YWHAZ: variants seen among roughly 807,000 people sequenced by gnomAD.
YWHAZ encodes 14-3-3 protein zeta/delta.
For missense variants in YWHAZ, 79 were observed against 284.8 expected (o/e 0.28, Z 5.20); for synonymous variants, 87 against 103.6 (o/e 0.84, Z 0.97).
Position 100,924,412 on chromosome 8 carries a change from A to C in YWHAZ, c.419-114T>G, listed in dbSNP as rs1479188335. On this transcript the variant is annotated intron_variant, in intron 3 of 5. Coordinates refer to ENST00000395958, the MANE Select transcript of YWHAZ (RefSeq NM_145690.3). This position sits in a 1 kb window ranked among gnomAD's most constrained non-coding sequence, Gnocchi z 5.7. Reference sequence around the variant, plus strand: ...TTGAAATACTAACCTGTAACAGCTTAATATTTGTTAATTGAACAAGGTCCT... The same window carrying C: ...TTGAAATACTAACCTGTAACAGCTTCATATTTGTTAATTGAACAAGGTCCT... 8.4e-6 allele frequency: 9 copies of C among 1,067,332 alleles called. No homozygotes were observed. Among genetic ancestry groups the C allele is most frequent in the East Asian group, 7.6e-5 (3 of 39,590 alleles). 66.1% of individuals were successfully genotyped at this position (1,067,332 alleles called of 1,614,324 possible). A position where few individuals can be genotyped will look rare whatever the true frequency, so the allele number is the denominator to read the frequency against.
chr8:100,946,473 C>T (rs1810278893), intron 2 of YWHAZ, among the ~76,000 whole-genome samples: 1 of 152,142 alleles, frequency 6.6e-6, no homozygotes, highest in Admixed American at 6.5e-5. Context: ...ATTGCTTGAA[C>T]ACGGGAGGCG....
chr8:100,951,691 C>G, intron 1 of YWHAZ: 2 of 985,366 alleles, frequency 2.0e-6, no homozygotes, highest in South Asian at 9.4e-5. Context: ...GGAGCGAGCA[C>G]CGATCGGCGC....
intron 2 of YWHAZ, among the ~76,000 whole-genome samples, chr8:100,939,008 C>T (rs943723489): frequency 3.9e-5 from 6 of 152,218 alleles, no homozygotes; most frequent in African/African-American, 9.7e-5. Flanking sequence ...AATCACTTAA[C>T]GCATTTTCCA....
At chr8:100,949,264 ATT>A (rs1810527545) in intron 1 of YWHAZ, among the ~76,000 whole-genome samples, 1 of 152,208 alleles carries the variant, frequency 6.6e-6, no homozygotes, top group Non-Finnish European at 1.5e-5. Context: ...GTGATCCAAA[ATT>A]AAGCAGCTTT....
At chr8:100,949,627 ACTT>A (rs1810559640) in intron 1 of YWHAZ, among the ~76,000 whole-genome samples, 2 of 152,212 alleles carry the variant, frequency 1.3e-5, no homozygotes, top group Admixed American at 1.3e-4. Context: ...AAGTCATGAC[ACTT>A]CAACTCTTAC....
intron 2 of YWHAZ, among the ~76,000 whole-genome samples, chr8:100,937,761 T>C (rs751507106): frequency 1.3e-5 from 2 of 151,990 alleles, no homozygotes; most frequent in African/African-American, 4.8e-5. Flanking sequence ...AGTTAAAAGG[T>C]TGAGGTAGCA....
upstream of YWHAZ, chr8:100,952,990 G>A: frequency 4.0e-6 from 4 of 1,000,766 alleles, no homozygotes; most frequent in Non-Finnish European, 3.6e-6. Flanking sequence ...TGCGCGAGGG[G>A]ACAATGGGTG....
chr8:100,918,062 A>G lies in YWHAZ; in HGVS notation c.*2631T>C, dbSNP rs888233775. 6.6e-6 allele frequency: 1 copy of G among 151,562 alleles called. No homozygotes were observed. Among genetic ancestry groups the G allele is most frequent in the African/African-American group, 2.4e-5 (1 of 41,242 alleles). 9.4% of individuals were successfully genotyped at this position (151,562 alleles called of 1,614,324 possible). On this transcript the variant is annotated 3_prime_UTR_variant, in exon 6 of 6. Transcript: ENST00000395958. Reference sequence around the variant, plus strand: ...TTTACTTGAATAATATCACATCTCTACTGGGCGCGGTGGCTTATGCCTGTA... The same window carrying G: ...TTTACTTGAATAATATCACATCTCTGCTGGGCGCGGTGGCTTATGCCTGTA...
At chr8:100,934,152 C>T (rs1409955538) in intron 2 of YWHAZ, among the ~76,000 whole-genome samples, 4 of 115,674 alleles carry the variant, frequency 3.5e-5, no homozygotes, top group Non-Finnish European at 3.4e-5. Flanking sequence ...AAGCTAGACT[C>T]GTCTCAAAAA....
At chr8:100,938,703 G>A (rs1814382789) in intron 2 of YWHAZ, among the ~76,000 whole-genome samples, 1 of 152,136 alleles carries the variant, frequency 6.6e-6, no homozygotes, top group African/African-American at 2.4e-5. Context: ...CATGCAAGAA[G>A]CCCATAATCT....
chr8:100,917,423 AAAAAAAACATACCAGGGTGG>A lies in YWHAZ; in HGVS notation c.*3250_*3269del, dbSNP rs1272503746. ...AGGACAACTCTTAAGTGGCCAATTT[AAAAAAAACATACCAGGGTGG>A]GCACAGTGGCTCACGCCTGTAATCC... On this transcript the variant is annotated 3_prime_UTR_variant, in exon 6 of 6. Transcript: ENST00000395958. 7.0e-6 allele frequency: 1 copy of A among 143,404 alleles called. No individual in the cohort carries two copies. Among genetic ancestry groups the A allele is most frequent in the African/African-American group, 2.4e-5 (1 of 40,996 alleles). The allele number at this position is 143,404 out of a possible 1,614,324, so 8.9% of individuals were successfully genotyped here. A position where few individuals can be genotyped will look rare whatever the true frequency, so the allele number is the denominator to read the frequency against.
rs1473800659 is a variant in YWHAZ, at chr8:100,918,438, A to ATATATATATATATATG, written c.*2254_*2255insCATATATATATATATA. ...TATATATATATATATATATATATAT[A>ATATATATATATATATG]TATATAATTATTTTACCTCCTTGGC... On this transcript the variant is annotated 3_prime_UTR_variant, in exon 6 of 6. Coordinates refer to ENST00000395958, the MANE Select transcript of YWHAZ (RefSeq NM_145690.3). 2 of 112,406 alleles carry ATATATATATATATATG rather than the reference A, an allele frequency of 1.8e-5. No homozygotes were observed. The highest frequency in any genetic ancestry group is 3.7e-5 in the Non-Finnish European group (2 of 54,686). 7.0% of individuals were successfully genotyped at this position (112,406 alleles called of 1,614,324 possible).
chr8:100,923,655 G>GA (rs1315540162), intron 5 of YWHAZ: 1 of 203,818 alleles, frequency 4.9e-6, no homozygotes, highest in African/African-American at 2.3e-5. Flanking sequence ...TGATGGGCAA[G>GA]AAAATCATTC....
intron 2 of YWHAZ, chr8:100,934,906 A>G (rs1814032938): frequency 6.6e-6 from 1 of 152,052 alleles, no homozygotes; most frequent in Admixed American, 6.6e-5. Context: ...TTCCTTCTAC[A>G]TGCTATGCTC....
intron 2 of YWHAZ, among the ~76,000 whole-genome samples, chr8:100,938,715 T>G (rs1449951542): frequency 6.6e-6 from 1 of 152,224 alleles, no homozygotes. Flanking sequence ...CCATAATCTG[T>G]CACACATTAG....
At chr8:100,932,935 C>T (rs1004432991) in intron 2 of YWHAZ, among the ~76,000 whole-genome samples, 1 of 152,260 alleles carries the variant, frequency 6.6e-6, no homozygotes, top group Non-Finnish European at 1.5e-5. Flanking sequence ...ACAATAATCA[C>T]TAGTACAGTA....
At position 100,933,786 on chromosome 8, in the gene YWHAZ, T is replaced by C. The variant is rs114054922; in HGVS notation, c.295-8747A>G. The stretch of plus-strand genomic sequence containing the variant: ...ACTTTGGAAGGCTGAGCTGGGAGGA[T>C]TGCTGGAGGCCAGGAGTTAGTGACC... On this transcript the variant is annotated intron_variant, in intron 2 of 5. Coordinates refer to ENST00000395958, the MANE Select transcript of YWHAZ (RefSeq NM_145690.3). 5.3e-3 allele frequency among the ~76,000 whole-genome samples: 805 copies of C among 152,096 alleles called. 9 individuals carry two copies. Among genetic ancestry groups the C allele is most frequent in the African/African-American group, 0.018 (727 of 41,498 alleles).
At chr8:100,939,713 T>C (rs576716556) in intron 2 of YWHAZ, among the ~76,000 whole-genome samples, 19 of 151,120 alleles carry the variant, frequency 1.3e-4, no homozygotes, top group Non-Finnish European at 2.5e-4. Context: ...TGAAATGTTG[T>C]TCCTAAAGAT....
In YWHAZ at chr8:100,942,646, T is replaced by C. The variant is rs900921541; in HGVS notation, c.294+5950A>G. Among the ~76,000 whole-genome samples, 13 of 152,084 alleles carry C rather than the reference T, an allele frequency of 8.5e-5. No homozygotes were observed. The East Asian group carries it at 2.3e-3, about 27-fold the overall frequency. On this transcript the variant is annotated intron_variant, in intron 2 of 5. Transcript: ENST00000395958. ...AGATTAAAATAAGTCCTAAATCGAG[T>C]AATGAAGCAGAAACCCTCAGGCCAT...
Sources: gnomAD v4.1 joint callset for allele counts (sites outside exome capture counted in the v4.1 genomes callset) on GRCh38, gnomAD v4.1.1 for gene constraint, Gnocchi (gnomAD v3.1) non-coding constraint, MANE v1.5 for transcripts, NCBI Gene and HGNC (gene_info 2026-07-23, HGNC 2026-07-21) for gene names.